Variants in HPCAL1 observed in about 807,000 individuals in gnomAD.
HPCAL1 encodes the protein hippocalcin like 1, also known as hippocalcin-like protein 1.
In HPCAL1, 8 loss-of-function variants were observed where a neutral mutation model predicts 17.1. The ratio of observed to expected loss-of-function variants is 0.47; its 90% CI spans 0.27 to 0.84. HPCAL1 has a LOEUF of 0.84. HPCAL1 is among the 40% of genes least tolerant of loss of function. The pLI is 0.13. For synonymous variants in HPCAL1, 112 were observed against 111.4 expected, an observed-to-expected ratio of 1.01 and a Z score of -0.03; for missense variants, 165 against 271.1, an observed-to-expected ratio of 0.61 and a Z score of 2.75.
intron 1 of HPCAL1, among the ~76,000 whole-genome samples, chr2:10,326,221 C>T (rs1558459209): frequency 6.6e-6 from 1 of 152,224 alleles, no homozygotes; most frequent in Non-Finnish European, 1.5e-5. Flanking sequence ...TAGCCATGTT[C>T]TCTTAGGGTT....
rs1050508767 is a variant in HPCAL1, at chr2:10,419,192, CAA to C, written c.-24-541_-24-540del. Among the ~76,000 whole-genome samples, 4 of 151,988 alleles carry C rather than the reference CAA, an allele frequency of 2.6e-5. No individual in the cohort carries two copies. The highest frequency in any genetic ancestry group is 5.9e-5 in the Non-Finnish European group (4 of 68,016). On this transcript the variant is annotated intron_variant, in intron 2 of 4. Coordinates refer to ENST00000307845, the MANE Select transcript of HPCAL1 (RefSeq NM_002149.4). This position sits in a 1 kb window ranked among gnomAD's most constrained non-coding sequence, Gnocchi z 5.0. ...TGCTACTGCACTGCAGCCTGGGCGA[CAA>C]GAGCAAAACTCCATCTCAAAAGAAA... is the stretch of plus-strand genomic sequence containing the variant.
At chr2:10,375,801 C>A (rs766230455) in intron 1 of HPCAL1, among the ~76,000 whole-genome samples, 2 of 152,170 alleles carry the variant, frequency 1.3e-5, no homozygotes, top group Non-Finnish European at 2.9e-5. Flanking sequence ...GGTGCTGGCT[C>A]CCTTACGGCC....
In HPCAL1 at chr2:10,363,540, T is replaced by C. The variant is rs974682417; in HGVS notation, c.-110-33295T>C. ...GTGGCGTTTCAGGTCTGGAGAGTCA[T>C]GTGGTGTAGCTGTATTTCTGGGAAG... is the stretch of plus-strand genomic sequence containing the variant. On this transcript the variant is annotated intron_variant, in intron 1 of 4. Coordinates refer to ENST00000307845, the MANE Select transcript of HPCAL1 (RefSeq NM_002149.4). This position sits in a 1 kb window ranked among gnomAD's most constrained non-coding sequence, Gnocchi z 4.7. Among the ~76,000 whole-genome samples the C allele has an allele frequency of 6.6e-6, 1 of 152,144 alleles. No individual in the cohort carries two copies. The highest frequency in any genetic ancestry group is 1.5e-5 in the Non-Finnish European group (1 of 68,014).
chr2:10,399,525 G>GCCACCA (rs1558518697), intron 2 of HPCAL1, among the ~76,000 whole-genome samples: 2 of 72,298 alleles, frequency 2.8e-5, no homozygotes, highest in Non-Finnish European at 5.5e-5. Flanking sequence ...CGCCACCACC[G>GCCACCA]CCACTGCCAC....
In HPCAL1 at chr2:10,395,832, AG is replaced by A. The variant is rs1291611828; in HGVS notation, c.-110-1000del. On this transcript the variant is annotated intron_variant, in intron 1 of 4. Transcript: ENST00000307845. This position sits in a 1 kb window ranked among gnomAD's most constrained non-coding sequence, Gnocchi z 4.4. The stretch of plus-strand genomic sequence containing the variant: ...GGGATGATGATTGTGCCTGCCTCCC[AG>A]GGCTGCTGTGTGGATTACGTTGGAT... Among the ~76,000 whole-genome samples, 1 of 152,124 alleles carries A rather than the reference AG, an allele frequency of 6.6e-6. No individual in the cohort carries two copies. Among genetic ancestry groups the A allele is most frequent in the Non-Finnish European group, 1.5e-5 (1 of 68,028 alleles).
chr2:10,358,582 T>C (rs1195438848), intron 1 of HPCAL1, among the ~76,000 whole-genome samples: 1 of 152,094 alleles, frequency 6.6e-6, no homozygotes, highest in East Asian at 1.9e-4. Flanking sequence ...GAGGAACACG[T>C]GGGTGGAAGA....
At chr2:10,399,573 A>ACCACCG (rs1251756098) in intron 2 of HPCAL1, among the ~76,000 whole-genome samples, 9 of 35,906 alleles carry the variant, frequency 2.5e-4, no homozygotes, top group African/African-American at 8.0e-4. Flanking sequence ...CACCGCCACC[A>ACCACCG]CCACCGCCAC....
intron 1 of HPCAL1, among the ~76,000 whole-genome samples, chr2:10,307,895 C>T (rs193000104): frequency 6.6e-6 from 1 of 152,368 alleles, no homozygotes; most frequent in East Asian, 1.9e-4. Context: ...TCCCCAACCC[C>T]ACCAAACCTT....
At chr2:10,380,749 G>A (rs1667891663) in intron 1 of HPCAL1, among the ~76,000 whole-genome samples, 1 of 152,124 alleles carries the variant, frequency 6.6e-6, no homozygotes, top group Non-Finnish European at 1.5e-5. Context: ...AGGTGGGGCT[G>A]GAGGCCCTTC....
chr2:10,339,380 A>G (rs2125439453), intron 1 of HPCAL1, among the ~76,000 whole-genome samples: 1 of 151,372 alleles, frequency 6.6e-6, no homozygotes, highest in African/African-American at 2.4e-5. Flanking sequence ...ATCTCGGCTC[A>G]CTGCAACCTC....
At chr2:10,340,761 C>T (rs1443662299) in intron 1 of HPCAL1, among the ~76,000 whole-genome samples, 4 of 152,178 alleles carry the variant, frequency 2.6e-5, no homozygotes. Flanking sequence ...GGCTGCAGGG[C>T]CCCGCAGTTC....
In HPCAL1 at chr2:10,384,887, C is replaced by T. The variant is rs752307641; in HGVS notation, c.-110-11948C>T. 2.7e-4 allele frequency among the ~76,000 whole-genome samples: 41 copies of T among 151,964 alleles called. No individual in the cohort carries two copies. Among genetic ancestry groups the T allele is most frequent in the African/African-American group, 7.7e-4 (32 of 41,350 alleles). On this transcript the variant is annotated intron_variant, in intron 1 of 4. Coordinates refer to ENST00000307845, the MANE Select transcript of HPCAL1 (RefSeq NM_002149.4). This position sits in a 1 kb window ranked among gnomAD's most constrained non-coding sequence, Gnocchi z 4.4. ...CTGTAATCCCAACGCTTTGGGAGGC[C>T]GAGGTGGGTGGATCACAAGGTCAAG... is the stretch of plus-strand genomic sequence containing the variant.
intron 2 of HPCAL1, among the ~76,000 whole-genome samples, chr2:10,398,553 G>A (rs376134789): frequency 2.2e-4 from 33 of 152,304 alleles, no homozygotes; most frequent in Middle Eastern, 6.8e-3. Context: ...CCTGGTAGAT[G>A]TGAGTCCCGC....
At chr2:10,351,195 T>C (rs191842769) in intron 1 of HPCAL1, among the ~76,000 whole-genome samples, 1 of 152,362 alleles carries the variant, frequency 6.6e-6, no homozygotes, top group Admixed American at 6.5e-5. Context: ...AAATGTAGTC[T>C]ATCCATACAA....
rs187038992 is a variant in HPCAL1 at position 10,344,052 on chromosome 2, G to A, written c.-111+40875G>A. Among the ~76,000 whole-genome samples the A allele has an allele frequency of 3.4e-4, 52 of 152,310 alleles. 1 individual carries two copies. In the East Asian group the frequency reaches 9.8e-3, roughly 29 times the overall value. ...TTTCTAACTGGGTTACTGAGCTGTC[G>A]AAGGAGCAGGGATGAAGACTCCCTT... On this transcript the variant is annotated intron_variant, in intron 1 of 4. Transcript: ENST00000307845. This position sits in a 1 kb window ranked among gnomAD's most constrained non-coding sequence, Gnocchi z 4.9.
At chr2:10,312,497 C>A (rs201354875) in intron 1 of HPCAL1, among the ~76,000 whole-genome samples, 7,843 of 150,692 alleles carry the variant, frequency 0.052, 290 homozygotes, top group African/African-American at 0.1. Context: ...CACCATTCAC[C>A]GTCACTATCA....
chr2:10,395,115 C>CAA lies in HPCAL1; in HGVS notation c.-110-1719_-110-1718insAA. ...TCCAGCCTAAAATCTATCTTTAAAA[C>CAA]ACACACACACACACACACACACACA... On this transcript the variant is annotated intron_variant, in intron 1 of 4. Coordinates refer to ENST00000307845, the MANE Select transcript of HPCAL1 (RefSeq NM_002149.4). This position sits in a 1 kb window ranked among gnomAD's most constrained non-coding sequence, Gnocchi z 4.4. Among the ~76,000 whole-genome samples the CAA allele has an allele frequency of 2.8e-5, 1 of 35,222 alleles. No individual in the cohort carries two copies. Among genetic ancestry groups the CAA allele is most frequent in the South Asian group, 1.3e-3 (1 of 744 alleles). 23.1% of individuals were successfully genotyped at this position (35,222 alleles called of 152,430 possible).
chr2:10,332,066 T>C (rs899490052), intron 1 of HPCAL1, among the ~76,000 whole-genome samples: 11 of 152,032 alleles, frequency 7.2e-5, no homozygotes, highest in Non-Finnish European at 1.5e-4. Context: ...GAGCCCTGTG[T>C]CACTTGTTGC....
At chr2:10,319,090 T>C (rs1403719661) in intron 1 of HPCAL1, among the ~76,000 whole-genome samples, 1 of 152,218 alleles carries the variant, frequency 6.6e-6, no homozygotes, top group Non-Finnish European at 1.5e-5. Flanking sequence ...ATCAACATCA[T>C]TGTCGTCCTC....
Sources: gnomAD v4.1 joint callset for allele counts (sites outside exome capture counted in the v4.1 genomes callset) on GRCh38, gnomAD v4.1.1 for gene constraint, Gnocchi (gnomAD v3.1) non-coding constraint, MANE v1.5 for transcripts, NCBI Gene and HGNC (gene_info 2026-07-23, HGNC 2026-07-21) for gene names.